RPF1: variants seen among roughly 807,000 people sequenced by gnomAD.
RPF1 encodes the protein ribosome production factor 1.
Under a neutral mutation model 41.9 loss-of-function variants are expected in RPF1, and 34 were observed. That is an observed-to-expected ratio of 0.81 (90% CI 0.62 to 1.08). The LOEUF is 1.08. RPF1 is among the 50% of genes least tolerant of loss of function. RPF1 has a pLI of 0.00. For synonymous variants in RPF1, 140 were observed against 148.9 expected (o/e 0.94, Z 0.43); for missense variants, 425 against 435.2 (o/e 0.98, Z 0.21).
chr1:84,489,560 G>T, intron 3 of RPF1, 73 bp from the exon 4 acceptor site: 1 of 826,594 alleles, frequency 1.2e-6, no homozygotes, highest in Non-Finnish European at 2.1e-6. Context: ...CAGTCCTGCT[G>T]ATGCTACTTT....
chr1:84,480,702 T>G (rs1006339475), intron 1 of RPF1, among the ~76,000 whole-genome samples: 11 of 152,222 alleles, frequency 7.2e-5, no homozygotes, highest in African/African-American at 2.7e-4. Flanking sequence ...TACTCAAATT[T>G]TAAATGTTCA....
At chr1:84,494,095 A>G (rs1262437116) in intron 5 of RPF1, among the ~76,000 whole-genome samples, 1 of 152,220 alleles carries the variant, frequency 6.6e-6, no homozygotes, top group Non-Finnish European at 1.5e-5. Flanking sequence ...CTGGTTACTT[A>G]TAGAACCAAG....
chr1:84,480,928 A>G (rs779128008), intron 1 of RPF1, 28 bp from the exon 2 acceptor site: 2 of 1,255,484 alleles, frequency 1.6e-6, no homozygotes, highest in African/African-American at 3.0e-5. Context: ...GTTTCTCAGT[A>G]TTGTTCTCTT....
At chr1:84,490,839 T>G (rs1023683368) in intron 5 of RPF1, among the ~76,000 whole-genome samples, 7 of 152,104 alleles carry the variant, frequency 4.6e-5, no homozygotes, top group Non-Finnish European at 1.0e-4. Flanking sequence ...TGGTACAAAG[T>G]CTGCCCTGGG....
At position 84,495,600 on chromosome 1, in the gene RPF1, T is replaced by C. The variant is rs1681919933; in HGVS notation, c.699+145T>C. 6.9e-6 allele frequency: 4 copies of C among 580,104 alleles called. No individual in the cohort carries two copies. The East Asian group carries it at 1.2e-4, about 18-fold the overall frequency. The allele number at this position is 580,104 out of a possible 1,614,324, so 35.9% of individuals were successfully genotyped here. On this transcript the variant is annotated intron_variant, in intron 6 of 8. Coordinates refer to ENST00000370654, the MANE Select transcript of RPF1 (RefSeq NM_025065.7). ...AGCAGTTTTTAATCTATCAATTCTC[T>C]TGGGAGACTGTGGTTAAGTTACAGC...
chr1:84,496,406 T>C, intron 8 of RPF1, 36 bp downstream of exon 8: 1 of 1,559,954 alleles, frequency 6.4e-7, no homozygotes, highest in Non-Finnish European at 8.7e-7. Context: ...TAAGTCATTT[T>C]TAAAGTATGG....
At position 84,496,303 on chromosome 1, in the gene RPF1, T is replaced by A; in HGVS notation, c.941T>A (p.Leu314Ter). The A allele has an allele frequency of 6.2e-7, 1 of 1,613,316 alleles. No individual in the cohort carries two copies. Among genetic ancestry groups the A allele is most frequent in the African/African-American group, 1.3e-5 (1 of 75,024 alleles). Residue 314 changes from leucine (L) to a stop codon, truncating the protein, a stop_gained, in exon 8 of 9, where the codon TTA (leucine) becomes TAA (stop). Transcript: ENST00000370654. LOFTEE classifies it high-confidence loss of function. ...CAGGAACTTGGACCACGTTTTACCT[T>A]AAAATTAAGGTCTCTTCAGAAAGGA... ...GIQELGPRFT[L>*]KLRSLQKGTF...
At position 84,489,666 on chromosome 1, in the gene RPF1, TCTTA is replaced by T. The variant is rs1482419594; in HGVS notation, c.404_407del (p.Tyr135SerfsTer45). On this transcript the variant is annotated frameshift_variant, in exon 4 of 9. Transcript: ENST00000370654. LOFTEE classifies it high-confidence loss of function. ...TGATGAAGCTACAGATGAATTTGCT[TCTTA>T]CTTCAACAAACAGACTTCTCCCAAG... The T allele has an allele frequency of 5.6e-6, 9 of 1,610,002 alleles. No individual in the cohort carries two copies. The highest frequency in any genetic ancestry group is 7.6e-6 in the Non-Finnish European group (9 of 1,176,476).
intron 3 of RPF1, among the ~76,000 whole-genome samples, chr1:84,487,734 T>G (rs1204009121): frequency 6.6e-6 from 1 of 152,120 alleles, no homozygotes; most frequent in Non-Finnish European, 1.5e-5. Context: ...ATTTGCTTGA[T>G]TGTCAGGAAT....
chr1:84,483,009 T>C lies in RPF1; in HGVS notation c.366+14T>C, dbSNP rs1194758270. 3 of 1,470,354 alleles carry C rather than the reference T, an allele frequency of 2.0e-6. No homozygotes were observed. The highest frequency in any genetic ancestry group is 3.4e-5 in the Admixed American group (2 of 59,670). 91.1% of individuals were successfully genotyped at this position (1,470,354 alleles called of 1,614,324 possible). A position where few individuals can be genotyped will look rare whatever the true frequency, so the allele number is the denominator to read the frequency against. ...AATGATGAAGAGGTAATGTTAGAAG[T>C]CTTAAATTAGTTTGAATGATCACAT... is the stretch of plus-strand genomic sequence containing the variant. On this transcript the variant is annotated intron_variant, in intron 3 of 8. Coordinates refer to ENST00000370654, the MANE Select transcript of RPF1 (RefSeq NM_025065.7).
rs1392203569 is a variant in RPF1 at position 84,482,902 on chromosome 1, C to T, written c.286-13C>T. The T allele has an allele frequency of 1.9e-6, 3 of 1,560,074 alleles. No individual in the cohort carries two copies. The highest frequency in any genetic ancestry group is 2.2e-5 in the East Asian group (1 of 44,604). On this transcript the variant is annotated splice_polypyrimidine_tract_variant and intron_variant, in intron 2 of 8. Transcript: ENST00000370654. ...AAATCCTTCTAAAATGTAATCCCTTCTCTTTTACTTAGGCTCCACCAAAGC... is the reference window on the plus strand; with the variant it reads ...AAATCCTTCTAAAATGTAATCCCTTTTCTTTTACTTAGGCTCCACCAAAGC...
In RPF1 at chr1:84,497,735, C is replaced by G; in HGVS notation, c.*265C>G. On this transcript the variant is annotated 3_prime_UTR_variant, in exon 9 of 9. Transcript: ENST00000370654. ...GAATAATTAAGTTGGAATCAAGATTCAGATTAACTTTCCTATTTGCATAGA... is the reference window on the plus strand; with the variant it reads ...GAATAATTAAGTTGGAATCAAGATTGAGATTAACTTTCCTATTTGCATAGA... 3.0e-6 allele frequency: 1 copy of G among 337,280 alleles called. No individual in the cohort carries two copies. The highest frequency in any genetic ancestry group is 5.5e-6 in the Non-Finnish European group (1 of 183,086). 20.9% of individuals were successfully genotyped at this position (337,280 alleles called of 1,614,324 possible).
At position 84,497,345 on chromosome 1, in the gene RPF1, C is replaced by T. The variant is rs894330824; in HGVS notation, c.1009-84C>T. The T allele has an allele frequency of 6.3e-6, 7 of 1,119,052 alleles. No individual in the cohort carries two copies. In the African/African-American group the frequency reaches 6.3e-5, roughly 10 times the overall value. 69.3% of individuals were successfully genotyped at this position (1,119,052 alleles called of 1,614,324 possible). On this transcript the variant is annotated intron_variant, in intron 8 of 8. Coordinates refer to ENST00000370654, the MANE Select transcript of RPF1 (RefSeq NM_025065.7). The stretch of plus-strand genomic sequence containing the variant: ...AGTGTTACTTATGAAGATCTAGGGA[C>T]GTTAACTTTTACTGTCTTACCTGAA...
intron 3 of RPF1, chr1:84,483,270 G>GT (rs1162100365): frequency 2.6e-6 from 1 of 387,496 alleles, no homozygotes; most frequent in East Asian, 4.9e-5. Context: ...TTTTGTTTTT[G>GT]TTTTTGATTT....
chr1:84,496,329 AC>A lies in RPF1; in HGVS notation c.969del (p.Phe324LeufsTer32). 1 of 1,612,822 alleles carries A rather than the reference AC, an allele frequency of 6.2e-7. No homozygotes were observed. Among genetic ancestry groups the A allele is most frequent in the Admixed American group, 1.7e-5 (1 of 59,848 alleles). On this transcript the variant is annotated frameshift_variant, in exon 8 of 9. Coordinates refer to ENST00000370654, the MANE Select transcript of RPF1 (RefSeq NM_025065.7). LOFTEE classifies it high-confidence loss of function. Reference protein sequence around the residue: ...TLKLRSLQKGTFDSKYGEYEW... With the variant: ...TLKLRSLQKGXFDSKYGEYEW... The stretch of plus-strand genomic sequence containing the variant: ...AAAATTAAGGTCTCTTCAGAAAGGA[AC>A]CTTTGATTCTAAATATGGAGAGTAT...
At chr1:84,480,793 A>G (rs1681631260) in intron 1 of RPF1, among the ~76,000 whole-genome samples, 163 bp from the exon 2 acceptor site, 2 of 152,230 alleles carry the variant, frequency 1.3e-5, no homozygotes, top group South Asian at 2.1e-4. Context: ...TTTGGCTTAC[A>G]GTAATTTAGG....
chr1:84,490,535 T>G, intron 5 of RPF1, 63 bp downstream of exon 5: 1 of 1,168,032 alleles, frequency 8.6e-7, no homozygotes, highest in East Asian at 2.6e-5. Flanking sequence ...AAAAATATAT[T>G]TAAAAGAATA....
chr1:84,481,050 AT>A, intron 2 of RPF1, 38 bp downstream of exon 2: 2 of 1,177,512 alleles, frequency 1.7e-6, no homozygotes, highest in South Asian at 1.3e-5. Context: ...TCTATCTTAT[AT>A]TAGGGAATCC....
intron 3 of RPF1, chr1:84,483,292 A>T (rs1251067975): frequency 3.2e-6 from 1 of 313,118 alleles, no homozygotes; most frequent in Non-Finnish European, 6.0e-6. Flanking sequence ...GTTGAGACAG[A>T]GTCTTGCTCT....
Sources: allele counts gnomAD v4.1 joint callset (sites outside exome capture counted in the v4.1 genomes callset), GRCh38; gene constraint gnomAD v4.1.1; transcripts MANE v1.5; gene names NCBI Gene and HGNC (gene_info 2026-07-23, HGNC 2026-07-21).